The following CWC27 variants were observed in gnomAD, a reference collection of about 807,000 sequenced individuals.
The protein encoded by CWC27 is spliceosome-associated protein CWC27 homolog.
Under a neutral mutation model 63.6 loss-of-function variants are expected in CWC27, and 47 were observed. The observed-to-expected ratio is 0.74, with a 90% CI of 0.58 to 0.94. The LOEUF is 0.94. CWC27 is among the 40% of genes least tolerant of loss of function. CWC27 has a pLI of 0.00. For synonymous variants in CWC27, 175 were observed against 179.8 expected (o/e 0.97, Z 0.22); for missense variants, 495 against 554.3 (o/e 0.89, Z 1.07).
intron 10 of CWC27, among the ~76,000 whole-genome samples, chr5:64,879,338 A>G (rs79624935): frequency 0.029 from 4,454 of 152,100 alleles, 235 homozygotes; most frequent in African/African-American, 0.1. Context: ...GAAAGTGGAA[A>G]TAGGTAAAAG....
At chr5:64,914,098 G>A (rs765100516) in intron 11 of CWC27, among the ~76,000 whole-genome samples, 1 of 151,996 alleles carries the variant, frequency 6.6e-6, no homozygotes, top group Admixed American at 6.6e-5. Flanking sequence ...TGGAATTAGA[G>A]GATAATTAAT....
intron 5 of CWC27, among the ~76,000 whole-genome samples, chr5:64,786,164 CAA>C (rs1209111233): frequency 1.4e-4 from 9 of 64,278 alleles, no homozygotes; most frequent in Admixed American, 7.6e-4. Flanking sequence ...GACTCCATCT[CAA>C]AAAAAAAAAA....
chr5:64,970,455 G>A (rs1580756029), intron 11 of CWC27, among the ~76,000 whole-genome samples: 1 of 151,654 alleles, frequency 6.6e-6, no homozygotes. Flanking sequence ...CTCGTGATCC[G>A]CCCACCTCGG....
intron 11 of CWC27, among the ~76,000 whole-genome samples, chr5:64,905,852 C>T (rs371019739): frequency 5.9e-5 from 9 of 152,114 alleles, no homozygotes; most frequent in South Asian, 2.1e-4. Context: ...TGACAGGCCC[C>T]GGTGTGTGAT....
intron 11 of CWC27, among the ~76,000 whole-genome samples, chr5:64,929,256 T>G (rs753411786): frequency 3.3e-5 from 5 of 152,116 alleles, no homozygotes; most frequent in Non-Finnish European, 7.4e-5. Context: ...ATGAGTACAT[T>G]TAGCACCCAG....
chr5:64,796,988 C>G (rs536979899), intron 7 of CWC27, among the ~76,000 whole-genome samples: 1 of 147,088 alleles, frequency 6.8e-6, no homozygotes, highest in Non-Finnish European at 1.5e-5. Flanking sequence ...CCCCTTCTAC[C>G]TGTATTCTAT....
chr5:64,923,667 C>G (rs181829185), intron 11 of CWC27, among the ~76,000 whole-genome samples: 1 of 148,960 alleles, frequency 6.7e-6, no homozygotes, highest in Admixed American at 6.7e-5. Context: ...TTTTTAAAAT[C>G]TGTATTCATG....
chr5:64,965,923 G>C (rs1188485085), intron 11 of CWC27, among the ~76,000 whole-genome samples: 1 of 152,110 alleles, frequency 6.6e-6, no homozygotes, highest in Admixed American at 6.5e-5. Flanking sequence ...GATATTATCA[G>C]GGCAAATACA....
chr5:64,976,087 A>G (rs1435912799), intron 12 of CWC27, among the ~76,000 whole-genome samples: 1 of 152,188 alleles, frequency 6.6e-6, no homozygotes, highest in Non-Finnish European at 1.5e-5. Flanking sequence ...AAAATAAAAA[A>G]TAAAAATAAA....
intron 10 of CWC27, among the ~76,000 whole-genome samples, chr5:64,814,197 C>A (rs1744964830): frequency 6.6e-6 from 1 of 151,956 alleles, no homozygotes; most frequent in African/African-American, 2.4e-5. Context: ...GACACCCCTG[C>A]AACTGTTCAG....
At chr5:64,940,286 T>C (rs1748447254) in intron 11 of CWC27, among the ~76,000 whole-genome samples, 1 of 152,168 alleles carries the variant, frequency 6.6e-6, no homozygotes, top group Non-Finnish European at 1.5e-5. Flanking sequence ...TTGCGAAGAC[T>C]GTGGGAAAAG....
intron 13 of CWC27, among the ~76,000 whole-genome samples, chr5:64,997,315 G>A (rs1749651515): frequency 6.6e-6 from 1 of 152,022 alleles, no homozygotes; most frequent in Non-Finnish European, 1.5e-5. Flanking sequence ...TGTAAACTGG[G>A]GATAATAATA....
At chr5:64,777,934 T>C (rs768044411) in intron 2 of CWC27, among the ~76,000 whole-genome samples, 30 of 152,212 alleles carry the variant, frequency 2.0e-4, no homozygotes, top group Middle Eastern at 6.8e-3. Context: ...GTAGAGAGTA[T>C]AGAAAATTTT....
intron 8 of CWC27, among the ~76,000 whole-genome samples, chr5:64,800,557 T>G (rs1744454186): frequency 6.6e-6 from 1 of 152,226 alleles, no homozygotes; most frequent in African/African-American, 2.4e-5. Context: ...GAATTACATT[T>G]AAAATTGTTT....
Position 64,776,592 on chromosome 5 carries a change from A to C in CWC27, c.139+1805A>C, listed in dbSNP as rs866416214. Among the ~76,000 whole-genome samples, 35 of 152,262 alleles carry C rather than the reference A, an allele frequency of 2.3e-4. 1 individual carries two copies. In the Middle Eastern group the frequency reaches 0.027, roughly 118 times the overall value. On this transcript the variant is annotated intron_variant, in intron 2 of 13. Coordinates refer to ENST00000381070, the MANE Select transcript of CWC27 (RefSeq NM_005869.4). ...CACCAATCCTCTTAATTGAATAGAG[A>C]TAGAATTATTATTGGAAAGGCTAAC...
intron 10 of CWC27, among the ~76,000 whole-genome samples, chr5:64,822,791 T>C (rs1239471837): frequency 6.6e-6 from 1 of 152,172 alleles, no homozygotes; most frequent in Non-Finnish European, 1.5e-5. Context: ...TTTCTGCATT[T>C]TTGGAAAAGA....
intron 10 of CWC27, among the ~76,000 whole-genome samples, chr5:64,850,326 C>T (rs1348035788): frequency 6.6e-6 from 1 of 151,596 alleles, no homozygotes; most frequent in Non-Finnish European, 1.5e-5. Flanking sequence ...GGCCAAAAAC[C>T]TGCATTGGGA....
At chr5:64,849,736 C>T (rs1032517629) in intron 10 of CWC27, among the ~76,000 whole-genome samples, 1 of 152,030 alleles carries the variant, frequency 6.6e-6, no homozygotes, top group Non-Finnish European at 1.5e-5. Flanking sequence ...GGAGGTTTTG[C>T]CCATGCTGTT....
At chr5:64,791,681 A>C (rs907095010) in intron 7 of CWC27, among the ~76,000 whole-genome samples, 1 of 152,106 alleles carries the variant, frequency 6.6e-6, no homozygotes, top group Admixed American at 6.6e-5. Context: ...TCTCACGTCT[A>C]TATCTCTAGG....
Sources: gnomAD v4.1 joint callset for allele counts (sites outside exome capture counted in the v4.1 genomes callset) on GRCh38, gnomAD v4.1.1 for gene constraint, MANE v1.5 for transcripts, NCBI Gene and HGNC (gene_info 2026-07-23, HGNC 2026-07-21) for gene names.